The following CHCHD3 variants were observed in gnomAD, a reference collection of about 807,000 sequenced individuals.
The protein encoded by CHCHD3 is coiled-coil-helix-coiled-coil-helix domain containing 3.
In CHCHD3, 20 loss-of-function variants were observed where a neutral mutation model predicts 38.2. That is an observed-to-expected ratio of 0.52 (90% CI 0.37 to 0.76). The LOEUF (loss-of-function observed/expected upper bound fraction) is 0.76. Ranked by LOEUF, CHCHD3 falls within the 30% of genes least tolerant of loss-of-function variation. The pLI, the probability that CHCHD3 is intolerant of heterozygous loss-of-function variation, is 0.00. For missense variants in CHCHD3, 245 were observed against 279.2 expected, an observed-to-expected ratio of 0.88 and a Z score of 0.87; for synonymous variants, 82 against 100.0, an observed-to-expected ratio of 0.82 and a Z score of 1.07.
At chr7:132,917,621 G>A (rs1810139983) in intron 4 of CHCHD3, among the ~76,000 whole-genome samples, 1 of 152,154 alleles carries the variant, frequency 6.6e-6, no homozygotes. Flanking sequence ...CACTTTGAGA[G>A]GCTGAGGCGG....
intron 5 of CHCHD3, among the ~76,000 whole-genome samples, chr7:132,876,829 A>C (rs1387500209): frequency 6.6e-6 from 1 of 152,168 alleles, no homozygotes; most frequent in Non-Finnish European, 1.5e-5. Context: ...TCCCAGAATA[A>C]AGCTGCTCAG....
intron 6 of CHCHD3, among the ~76,000 whole-genome samples, chr7:132,807,232 TGTAGGGG>T (rs1563241090): frequency 3.9e-5 from 6 of 152,172 alleles, no homozygotes; most frequent in Admixed American, 3.9e-4. Context: ...CCTGAGCAGG[TGTAGGGG>T]ACCCCATGAT....
intron 3 of CHCHD3, among the ~76,000 whole-genome samples, chr7:133,007,157 G>C (rs1470804332): frequency 3.3e-5 from 5 of 152,098 alleles, no homozygotes; most frequent in Non-Finnish European, 7.4e-5. Context: ...TTTTCACTTT[G>C]ATCTATATTG....
intron 5 of CHCHD3, among the ~76,000 whole-genome samples, chr7:132,841,326 T>C (rs1200628075): frequency 1.3e-5 from 2 of 150,546 alleles, no homozygotes; most frequent in African/African-American, 2.4e-5. Flanking sequence ...CATAGATAAG[T>C]GTTACTGGAG....
chr7:132,946,207 C>T (rs1810897518), intron 4 of CHCHD3, among the ~76,000 whole-genome samples: 1 of 151,544 alleles, frequency 6.6e-6, no homozygotes, highest in African/African-American at 2.4e-5. Flanking sequence ...CACACATATA[C>T]ATATAATGTA....
At position 133,049,135 on chromosome 7, in the gene CHCHD3, C is replaced by T. The variant is rs114023855; in HGVS notation, c.169+21007G>A. Among the ~76,000 whole-genome samples the T allele has an allele frequency of 4.8e-3, 736 of 152,294 alleles. 5 individuals are homozygous for T. The highest frequency in any genetic ancestry group is 0.017 in the African/African-American group (702 of 41,560). On this transcript the variant is annotated intron_variant, in intron 2 of 7. Transcript: ENST00000262570. ...TCATTCTCTCTATACAAACATAACA[C>T]GCACATACACACACAAATATTTTCT...
intron 6 of CHCHD3, among the ~76,000 whole-genome samples, chr7:132,807,533 T>C (rs1806954830): frequency 6.7e-6 from 1 of 149,924 alleles, no homozygotes; most frequent in South Asian, 2.1e-4. Flanking sequence ...AATGATTACT[T>C]ATTCTGCATG....
intron 2 of CHCHD3, among the ~76,000 whole-genome samples, chr7:133,044,245 T>G (rs572922074): frequency 6.6e-6 from 1 of 152,208 alleles, no homozygotes; most frequent in African/African-American, 2.4e-5. Context: ...ACTTAAATAA[T>G]TGTTTTATTG....
At chr7:132,792,635 A>G (rs1806492200) in intron 7 of CHCHD3, among the ~76,000 whole-genome samples, 1 of 152,224 alleles carries the variant, frequency 6.6e-6, no homozygotes, top group South Asian at 2.1e-4. Context: ...GCCTATGAAC[A>G]GGCATGCTTA....
intron 1 of CHCHD3, among the ~76,000 whole-genome samples, chr7:133,071,895 A>G (rs11763893): frequency 0.5 from 76,622 of 152,010 alleles, 21,166 homozygotes; most frequent in South Asian, 0.64. Context: ...ACCCAGAAAA[A>G]GCATCCCTAT....
In CHCHD3 at chr7:132,844,817, T is replaced by G. The variant is rs558532875; in HGVS notation, c.454-6348A>C. Among the ~76,000 whole-genome samples the G allele has an allele frequency of 2.3e-4, 35 of 152,234 alleles. No homozygotes were observed. In the South Asian group the frequency reaches 6.4e-3, roughly 28 times the overall value. On this transcript the variant is annotated intron_variant, in intron 5 of 7. Transcript: ENST00000262570. ...ACTATATCTAAAACAACAATATAAT[T>G]CTCTATATTTGGAAGATATTTCTGT...
At chr7:133,007,059 G>A (rs1812720407) in intron 3 of CHCHD3, among the ~76,000 whole-genome samples, 1 of 151,758 alleles carries the variant, frequency 6.6e-6, no homozygotes. Flanking sequence ...TCTTAACTTT[G>A]TTTGGCTGCA....
intron 6 of CHCHD3, among the ~76,000 whole-genome samples, chr7:132,814,324 T>A (rs1394546855): frequency 6.6e-6 from 1 of 152,166 alleles, no homozygotes; most frequent in Admixed American, 6.5e-5. Context: ...ACATTTCAGT[T>A]TATTCATGTT....
At chr7:133,072,039 T>C (rs1451285742) in intron 1 of CHCHD3, among the ~76,000 whole-genome samples, 3 of 152,004 alleles carry the variant, frequency 2.0e-5, no homozygotes, top group Non-Finnish European at 2.9e-5. Context: ...CTCAGTAAAT[T>C]CATCAAGTGT....
chr7:132,942,431 T>C (rs760324054), intron 4 of CHCHD3, among the ~76,000 whole-genome samples: 3 of 152,180 alleles, frequency 2.0e-5, no homozygotes, highest in Non-Finnish European at 4.4e-5. Context: ...ATCCAGACTT[T>C]TGACAGAAGC....
chr7:132,838,829 A>G (rs886865684), intron 5 of CHCHD3, among the ~76,000 whole-genome samples: 2 of 152,172 alleles, frequency 1.3e-5, no homozygotes. Context: ...AAATTCACAC[A>G]CATTCGTATT....
intron 5 of CHCHD3, among the ~76,000 whole-genome samples, chr7:132,856,452 G>A (rs985360732): frequency 1.1e-4 from 17 of 152,222 alleles, no homozygotes; most frequent in Non-Finnish European, 1.5e-5. Flanking sequence ...AGACAAATGT[G>A]AAACATAAAT....
At chr7:133,054,047 A>G (rs1221915988) in intron 2 of CHCHD3, among the ~76,000 whole-genome samples, 5 of 152,240 alleles carry the variant, frequency 3.3e-5, no homozygotes, top group Non-Finnish European at 5.9e-5. Flanking sequence ...TGTAAAACAT[A>G]CTTTTAAAAA....
intron 2 of CHCHD3, among the ~76,000 whole-genome samples, chr7:133,058,239 C>CTT (rs879780240): frequency 7.0e-6 from 1 of 143,250 alleles, no homozygotes; most frequent in Non-Finnish European, 1.5e-5. Context: ...GCACAAGTTT[C>CTT]TTTTTTTTTT....
Sources: allele counts gnomAD v4.1 joint callset (sites outside exome capture counted in the v4.1 genomes callset), GRCh38; gene constraint gnomAD v4.1.1; transcripts MANE v1.5; gene names NCBI Gene and HGNC (gene_info 2026-07-23, HGNC 2026-07-21).